Variants in DLAT observed in about 807,000 individuals in gnomAD.
DLAT encodes the protein dihydrolipoamide S-acetyltransferase, also known as dihydrolipoyllysine-residue acetyltransferase component of pyruvate dehydrogenase complex, mitochondrial.
A neutral mutation model predicts 68.0 loss-of-function variants in DLAT; 43 were observed. The observed-to-expected ratio is 0.63, with a 90% CI of 0.50 to 0.81. DLAT has a LOEUF of 0.81. Ranked by LOEUF, DLAT falls within the 40% of genes least tolerant of loss-of-function variation. The pLI is 0.00. For missense variants in DLAT, 745 were observed against 815.4 expected, an observed-to-expected ratio of 0.91 and a Z score of 1.05; for synonymous variants, 265 against 288.6, an observed-to-expected ratio of 0.92 and a Z score of 0.83.
chr11:112,037,410 A>G lies in DLAT; in HGVS notation c.925A>G (p.Thr309Ala), dbSNP rs1283333530. The change falls in exon 6 of 14, where the codon ACC becomes GCC. Residue 309 changes from threonine to alanine, a missense_variant. Transcript: ENST00000280346. ...DISAFADYRPTEVTDLKPQVP... is the reference protein window; with the variant it reads ...DISAFADYRPAEVTDLKPQVP... Reference sequence around the variant, plus strand: ...ATCAGCATTTGCTGACTATAGGCCAACCGAAGTAACAGATTTAAAACCACA... The same window carrying G: ...ATCAGCATTTGCTGACTATAGGCCAGCCGAAGTAACAGATTTAAAACCACA... The G allele has an allele frequency of 6.2e-7, 1 of 1,614,248 alleles. No homozygotes were observed. The highest frequency in any genetic ancestry group is 1.3e-5 in the African/African-American group (1 of 75,064).
intron 6 of DLAT, among the ~76,000 whole-genome samples, chr11:112,038,578 C>T (rs1292744362): frequency 4.0e-5 from 6 of 151,474 alleles, no homozygotes; most frequent in South Asian, 2.1e-4. Context: ...GGTGTGGTGG[C>T]TCATGCCAGT....
chr11:112,027,913 T>TGGGGAG (rs1862162529), intron 2 of DLAT, among the ~76,000 whole-genome samples: 1 of 120,606 alleles, frequency 8.3e-6, no homozygotes, highest in Non-Finnish European at 1.8e-5. Context: ...AGGGAGACCG[T>TGGGGAG]GGGGAGAGGG....
chr11:112,052,482 A>C (rs1863707978), intron 11 of DLAT, among the ~76,000 whole-genome samples: 1 of 152,180 alleles, frequency 6.6e-6, no homozygotes, highest in African/African-American at 2.4e-5. Flanking sequence ...CAATTCACAG[A>C]ACTTGGGGAA....
In DLAT at chr11:112,051,864, C is replaced by T. The variant is rs782652654; in HGVS notation, c.1514+515C>T. Among the ~76,000 whole-genome samples, 1 of 152,128 alleles carries T rather than the reference C, an allele frequency of 6.6e-6. No individual in the cohort carries two copies. The highest frequency in any genetic ancestry group is 1.5e-5 in the Non-Finnish European group (1 of 68,014). On this transcript the variant is annotated intron_variant, in intron 11 of 13. Coordinates refer to ENST00000280346, the MANE Select transcript of DLAT (RefSeq NM_001931.5). This position sits in a 1 kb window ranked among gnomAD's most constrained non-coding sequence, Gnocchi z 4.3. The stretch of plus-strand genomic sequence containing the variant: ...ATGATTTTCATTCTCCTGAACTTTA[C>T]GGGCAAAATTAGAACAGTAATTGTT...
intron 10 of DLAT, among the ~76,000 whole-genome samples, chr11:112,047,834 T>TGGTACC (rs1315040253): frequency 6.6e-6 from 1 of 152,226 alleles, no homozygotes; most frequent in Non-Finnish European, 1.5e-5. Flanking sequence ...ATATCTGTTT[T>TGGTACC]GGTACCAGTA....
chr11:112,042,408 G>C (rs1682464855), intron 7 of DLAT, among the ~76,000 whole-genome samples: 1 of 152,176 alleles, frequency 6.6e-6, no homozygotes, highest in Non-Finnish European at 1.5e-5. Flanking sequence ...ACAAAGGAGA[G>C]AAATCTAATA....
At chr11:112,038,616 A>G (rs1165997078) in intron 6 of DLAT, among the ~76,000 whole-genome samples, 1 of 151,048 alleles carries the variant, frequency 6.6e-6, no homozygotes, top group African/African-American at 2.4e-5. Context: ...AGGCTGAGGC[A>G]GGTGGATCGC....
At chr11:112,044,666 A>G (rs1555181293) in intron 8 of DLAT, among the ~76,000 whole-genome samples, 1 of 152,124 alleles carries the variant, frequency 6.6e-6, no homozygotes, top group African/African-American at 2.4e-5. Context: ...AATTCTAAGT[A>G]AAAAAATTAA....
intron 11 of DLAT, among the ~76,000 whole-genome samples, chr11:112,058,279 C>T (rs1864237605): frequency 6.6e-6 from 1 of 152,142 alleles, no homozygotes; most frequent in Non-Finnish European, 1.5e-5. Flanking sequence ...TTCAAGAAAG[C>T]AGTATTTGCT....
Position 112,028,935 on chromosome 11 carries a change from C to G in DLAT, c.650C>G (p.Pro217Arg). The G allele has an allele frequency of 6.2e-7, 1 of 1,614,176 alleles. No individual in the cohort carries two copies. Among genetic ancestry groups the G allele is most frequent in the Non-Finnish European group, 8.5e-7 (1 of 1,180,048 alleles). ...SAQAPGSSYP[P>R]HMQVLLPALS... is the part of the protein sequence containing the mutation. ...CAGGCTCCTGGTAGCTCATATCCCC[C>G]TCACATGCAGGTGAGGCTCAGCCTC... The change falls in exon 4 of 14, where the codon CCT becomes CGT. Residue 217 changes from proline (P) to arginine (R), a missense_variant. Physicochemically the swap from Pro to Arg is moderately radical, Grantham distance 103. Transcript: ENST00000280346.
Position 112,051,104 on chromosome 11 carries a change from G to T in DLAT, c.1399-130G>T. 1.6e-6 allele frequency: 1 copy of T among 638,190 alleles called. No individual in the cohort carries two copies. The highest frequency in any genetic ancestry group is 2.7e-6 in the Non-Finnish European group (1 of 371,150). 39.5% of individuals were successfully genotyped at this position (638,190 alleles called of 1,614,324 possible). ...CTAATACCTGGGTGATGGGTTGACA[G>T]GTGCAGCAAACCACCATGGCACATG... On this transcript the variant is annotated intron_variant, in intron 10 of 13. Coordinates refer to ENST00000280346, the MANE Select transcript of DLAT (RefSeq NM_001931.5). This position sits in a 1 kb window ranked among gnomAD's most constrained non-coding sequence, Gnocchi z 4.3.
chr11:112,025,931 T>C (rs1293893606), intron 1 of DLAT, among the ~76,000 whole-genome samples, 180 bp downstream of exon 1: 1 of 152,204 alleles, frequency 6.6e-6, no homozygotes, highest in Non-Finnish European at 1.5e-5. Context: ...ATCTATTTCA[T>C]TGAAAGGAGA....
chr11:112,030,598 T>C (rs782086641), intron 4 of DLAT, among the ~76,000 whole-genome samples: 7 of 152,200 alleles, frequency 4.6e-5, no homozygotes, highest in East Asian at 1.9e-4. Flanking sequence ...ACATATGTAA[T>C]AGTGTTGCAT....
chr11:112,033,039 G>A (rs1444358720), intron 4 of DLAT, among the ~76,000 whole-genome samples: 1 of 152,094 alleles, frequency 6.6e-6, no homozygotes, highest in African/African-American at 2.4e-5. Flanking sequence ...TCTCCAGCCT[G>A]GGGGACAGAG....
rs782377178 is a variant in DLAT, at chr11:112,060,112, G to C, written c.1677+47G>C. 2.6e-6 allele frequency: 4 copies of C among 1,513,676 alleles called. No homozygotes were observed. The East Asian group carries it at 9.2e-5, about 35-fold the overall frequency. 93.8% of individuals were successfully genotyped at this position (1,513,676 alleles called of 1,614,324 possible). A position where few individuals can be genotyped will look rare whatever the true frequency, so the allele number is the denominator to read the frequency against. ...TCTAATTATGTTATTTTTAAGGTTTGCATAATGCATTTATTGCATTTTTCA... is the reference window on the plus strand; with the variant it reads ...TCTAATTATGTTATTTTTAAGGTTTCCATAATGCATTTATTGCATTTTTCA... On this transcript the variant is annotated intron_variant, in intron 12 of 13. Coordinates refer to ENST00000280346, the MANE Select transcript of DLAT (RefSeq NM_001931.5).
chr11:112,041,468 TAAG>T (rs1475603041), intron 7 of DLAT, among the ~76,000 whole-genome samples: 5 of 152,128 alleles, frequency 3.3e-5, no homozygotes, highest in Non-Finnish European at 5.9e-5. Flanking sequence ...TTTTGAAAGA[TAAG>T]AAGGAGGCAG....
At chr11:112,061,858 C>T (rs782539895) in intron 13 of DLAT, among the ~76,000 whole-genome samples, 2 of 152,174 alleles carry the variant, frequency 1.3e-5, no homozygotes, top group African/African-American at 4.8e-5. Context: ...GCTGGGATTA[C>T]AGGAATGAGC....
intron 6 of DLAT, among the ~76,000 whole-genome samples, 190 bp from the exon 7 acceptor site, chr11:112,039,054 T>C (rs587672977): frequency 6.6e-6 from 1 of 152,292 alleles, no homozygotes; most frequent in African/African-American, 2.4e-5. Context: ...AAGTATATTG[T>C]TCTCGCTGTT....
chr11:112,063,501 A>C lies in DLAT; in HGVS notation c.*966A>C, dbSNP rs2135181242. 1 of 152,748 alleles carries C rather than the reference A, an allele frequency of 6.5e-6. No individual in the cohort carries two copies. Among genetic ancestry groups the C allele is most frequent in the African/African-American group, 2.4e-5 (1 of 41,596 alleles). 9.5% of individuals were successfully genotyped at this position (152,748 alleles called of 1,614,324 possible). On this transcript the variant is annotated 3_prime_UTR_variant, in exon 14 of 14. Transcript: ENST00000280346. The stretch of plus-strand genomic sequence containing the variant: ...ATGTGCCAAAGTCCATTTATCCCAA[A>C]TCCTGTCTGAAAAGGAGGGGTACAT...
Sources: gnomAD v4.1 joint callset for allele counts (sites outside exome capture counted in the v4.1 genomes callset) on GRCh38, gnomAD v4.1.1 for gene constraint, Gnocchi (gnomAD v3.1) non-coding constraint, MANE v1.5 for transcripts, NCBI Gene and HGNC (gene_info 2026-07-23, HGNC 2026-07-21) for gene names.